The following NEDD9 variants were observed in gnomAD, a reference collection of about 807,000 sequenced individuals.
The protein encoded by NEDD9 is enhancer of filamentation 1.
Under a neutral mutation model 76.6 loss-of-function variants are expected in NEDD9, and 26 were observed. The observed-to-expected ratio is 0.34, with a 90% CI of 0.25 to 0.47. The LOEUF (loss-of-function observed/expected upper bound fraction) is 0.47, where lower values mean the gene tolerates loss of function less well. Ranked by LOEUF, NEDD9 falls within the 20% of genes least tolerant of loss-of-function variation. The pLI, the probability that NEDD9 is intolerant of heterozygous loss-of-function variation, is 1.00. For missense variants in NEDD9, 937 were observed against 1,058.5 expected (o/e 0.89, Z 1.59); for synonymous variants, 392 against 414.2 (o/e 0.95, Z 0.65).
chr6:11,222,252 C>A (rs574538753), intron 1 of NEDD9, among the ~76,000 whole-genome samples: 1 of 152,288 alleles, frequency 6.6e-6, no homozygotes, highest in African/African-American at 2.4e-5. Context: ...CAGCCAGAAC[C>A]GAGTTGATGT....
intron 1 of NEDD9, among the ~76,000 whole-genome samples, chr6:11,334,898 G>C (rs1333216409): frequency 6.6e-6 from 1 of 152,224 alleles, no homozygotes; most frequent in Non-Finnish European, 1.5e-5. Context: ...GGTGGTTCAA[G>C]AAGTTTTGCA....
chr6:11,280,201 C>T (rs1250181017), intron 3 of NEDD9, among the ~76,000 whole-genome samples: 2 of 152,190 alleles, frequency 1.3e-5, no homozygotes, highest in South Asian at 2.1e-4. Flanking sequence ...TTACCTCCAG[C>T]TGAGAAACAA....
chr6:11,200,060 A>C (rs916477681), intron 2 of NEDD9: 1 of 213,464 alleles, frequency 4.7e-6, no homozygotes, highest in Admixed American at 5.3e-5. Flanking sequence ...TAGAGGTGAG[A>C]TTGCTTTTCA....
chr6:11,269,468 C>T (rs1050798154), intron 3 of NEDD9, among the ~76,000 whole-genome samples: 3 of 152,182 alleles, frequency 2.0e-5, no homozygotes, highest in African/African-American at 7.2e-5. Flanking sequence ...CACAGACCTC[C>T]TTGGGTATCT....
intron 2 of NEDD9, among the ~76,000 whole-genome samples, chr6:11,194,748 T>C (rs988636078): frequency 2.6e-5 from 4 of 152,246 alleles, no homozygotes; most frequent in Non-Finnish European, 5.9e-5. Context: ...ATCACGATGC[T>C]GGCATCTGGA....
intron 2 of NEDD9, among the ~76,000 whole-genome samples, chr6:11,194,396 G>T (rs928434152): frequency 4.3e-4 from 65 of 152,152 alleles, no homozygotes; most frequent in African/African-American, 1.4e-3. Context: ...GAAACAATTT[G>T]TAAAATGAAT....
intron 3 of NEDD9, among the ~76,000 whole-genome samples, chr6:11,193,324 A>G (rs77369472): frequency 6.6e-6 from 1 of 151,156 alleles, no homozygotes; most frequent in Admixed American, 6.6e-5. Context: ...AAAAAAAAAA[A>G]GAAAAAAGAA....
chr6:11,377,319 C>T (rs1224472101), intron 1 of NEDD9, among the ~76,000 whole-genome samples: 1 of 152,256 alleles, frequency 6.6e-6, no homozygotes, highest in Non-Finnish European at 1.5e-5. Flanking sequence ...GGAAAAGCAA[C>T]AAGCACTCAA....
intron 2 of NEDD9, among the ~76,000 whole-genome samples, chr6:11,309,092 G>C (rs1366518922): frequency 6.6e-6 from 1 of 152,146 alleles, no homozygotes. Context: ...GCTTTACTAT[G>C]TCACTTGGCA....
At chr6:11,317,271 A>G (rs1223346741) in intron 2 of NEDD9, among the ~76,000 whole-genome samples, 4 of 152,096 alleles carry the variant, frequency 2.6e-5, no homozygotes, top group African/African-American at 9.7e-5. Context: ...CGTCTCTACT[A>G]AAAATACAAA....
At chr6:11,197,104 CT>C (rs1421491663) in intron 2 of NEDD9, among the ~76,000 whole-genome samples, 3 of 152,142 alleles carry the variant, frequency 2.0e-5, no homozygotes, top group Admixed American at 6.5e-5. Flanking sequence ...ACACCAAGGT[CT>C]GGTTAAGGGG....
chr6:11,331,552 A>G (rs1762038760), intron 2 of NEDD9, among the ~76,000 whole-genome samples: 1 of 152,164 alleles, frequency 6.6e-6, no homozygotes, highest in Non-Finnish European at 1.5e-5. Flanking sequence ...AAATGTTTAA[A>G]TGTAAAATGA....
At chr6:11,321,201 G>C (rs1761791895) in intron 2 of NEDD9, among the ~76,000 whole-genome samples, 1 of 143,522 alleles carries the variant, frequency 7.0e-6, no homozygotes, top group South Asian at 2.4e-4. Flanking sequence ...AGGAAGGAGG[G>C]AGGGAAAGAA....
At chr6:11,270,385 T>C (rs548638399) in intron 3 of NEDD9, among the ~76,000 whole-genome samples, 61 of 144,324 alleles carry the variant, frequency 4.2e-4, no homozygotes, top group Non-Finnish European at 7.6e-4. Flanking sequence ...TTTTTTTTTT[T>C]AAATGTTCCA....
chr6:11,231,152 T>C (rs1236898632), intron 1 of NEDD9, among the ~76,000 whole-genome samples: 1 of 152,158 alleles, frequency 6.6e-6, no homozygotes, highest in Non-Finnish European at 1.5e-5. Context: ...TCCTGCCAAG[T>C]AGAGGGATTT....
intron 1 of NEDD9, among the ~76,000 whole-genome samples, chr6:11,350,440 CTG>C (rs1164429987): frequency 1.3e-5 from 2 of 152,220 alleles, no homozygotes. Flanking sequence ...CTCATCCAAA[CTG>C]TGTTTTTCTC....
chr6:11,191,305 G>T, intron 4 of NEDD9, 100 bp from the exon 5 acceptor site: 1 of 1,198,998 alleles, frequency 8.3e-7, no homozygotes, highest in Non-Finnish European at 1.1e-6. Flanking sequence ...TTTTTCGGTC[G>T]CCCTCCCCCG....
intron 6 of NEDD9, among the ~76,000 whole-genome samples, 163 bp from the exon 7 acceptor site, chr6:11,185,834 T>TA (rs1437830469): frequency 6.6e-6 from 1 of 152,212 alleles, no homozygotes; most frequent in African/African-American, 2.4e-5. Context: ...TCCTAAATTG[T>TA]AAAATGTAGA....
At chr6:11,228,497 T>C (rs1759374793) in intron 1 of NEDD9, among the ~76,000 whole-genome samples, 1 of 151,678 alleles carries the variant, frequency 6.6e-6, no homozygotes, top group African/African-American at 2.4e-5. Flanking sequence ...ACCACTGCAC[T>C]CCAGCCTGGG....
Sources: gnomAD v4.1 joint callset for allele counts (sites outside exome capture counted in the v4.1 genomes callset) on GRCh38, gnomAD v4.1.1 for gene constraint, MANE v1.5 for transcripts, NCBI Gene and HGNC (gene_info 2026-07-23, HGNC 2026-07-21) for gene names.